The following SLC8A1 variants were observed in gnomAD, a reference collection of about 807,000 sequenced individuals.
SLC8A1 encodes the protein solute carrier family 8 member A1.
SLC8A1 carries 18 observed loss-of-function variants against 68.3 expected under a neutral mutation model. That is an observed-to-expected ratio of 0.26 (90% CI 0.18 to 0.39). The LOEUF (loss-of-function observed/expected upper bound fraction) is 0.39, where lower values mean the gene tolerates loss of function less well. SLC8A1 is among the 10% of genes least tolerant of loss of function. SLC8A1 has a pLI of 1.00. For synonymous variants in SLC8A1, 475 were observed against 415.5 expected, an observed-to-expected ratio of 1.14 and a Z score of -1.74; for missense variants, 985 against 1,156.7, an observed-to-expected ratio of 0.85 and a Z score of 2.15.
rs539239468 is a variant in SLC8A1 at position 40,215,177 on chromosome 2, T to C, written c.1809-37322A>G. On this transcript the variant is annotated intron_variant, in intron 2 of 7. Transcript: ENST00000406785. ...ATGCTAATTATTATTATTAATATTA[T>C]TATCTTTAGAGATAGGATCTTACTC... 3.9e-5 allele frequency among the ~76,000 whole-genome samples: 6 copies of C among 152,192 alleles called. No individual in the cohort carries two copies. In the South Asian group the frequency reaches 1.0e-3, roughly 26 times the overall value.
At chr2:40,228,775 C>G (rs1009317205) in intron 2 of SLC8A1, among the ~76,000 whole-genome samples, 11 of 152,100 alleles carry the variant, frequency 7.2e-5, no homozygotes, top group African/African-American at 2.4e-4. Context: ...CATAAATAGT[C>G]AAGTAACTAG....
chr2:40,376,001 AAAAT>A (rs536218626), intron 2 of SLC8A1, among the ~76,000 whole-genome samples: 1 of 152,142 alleles, frequency 6.6e-6, no homozygotes, highest in Non-Finnish European at 1.5e-5. Flanking sequence ...ACCCTGTCTC[AAAAT>A]AAATAAATAA....
At chr2:40,227,657 C>G (rs1473126932) in intron 2 of SLC8A1, among the ~76,000 whole-genome samples, 2 of 151,972 alleles carry the variant, frequency 1.3e-5, no homozygotes, top group Non-Finnish European at 2.9e-5. Context: ...CCCCATGACA[C>G]AAGTTTATCT....
intron 2 of SLC8A1, chr2:40,195,753 A>C (rs2052851613): frequency 6.6e-6 from 1 of 152,220 alleles, no homozygotes; most frequent in East Asian, 1.9e-4. Flanking sequence ...GTATTTGTAC[A>C]TAACAGATCT....
chr2:40,222,158 G>A (rs1035398567), intron 2 of SLC8A1, among the ~76,000 whole-genome samples: 16 of 151,886 alleles, frequency 1.1e-4, no homozygotes, highest in Admixed American at 6.6e-5. Flanking sequence ...CATGGTACTG[G>A]TACCAAATTA....
intron 1 of SLC8A1, among the ~76,000 whole-genome samples, chr2:40,484,401 T>C (rs1223414009): frequency 6.6e-6 from 1 of 152,218 alleles, no homozygotes; most frequent in Non-Finnish European, 1.5e-5. Flanking sequence ...TCCTTGTTTC[T>C]ACCCATGCTC....
chr2:40,386,918 T>G (rs1683746645), intron 2 of SLC8A1, among the ~76,000 whole-genome samples: 1 of 151,388 alleles, frequency 6.6e-6, no homozygotes, highest in Admixed American at 6.6e-5. Flanking sequence ...GTGGTTCTAC[T>G]ATAGCAGATC....
At chr2:40,455,436 G>A (rs1255587858), upstream of SLC8A1, among the ~76,000 whole-genome samples, 1 of 152,152 alleles carries the variant, frequency 6.6e-6, no homozygotes, top group Non-Finnish European at 1.5e-5. Context: ...TCTGAAATAT[G>A]TTAATACAGT....
chr2:40,187,530 T>C (rs1009557386), intron 2 of SLC8A1, among the ~76,000 whole-genome samples: 1 of 152,228 alleles, frequency 6.6e-6, no homozygotes, highest in African/African-American at 2.4e-5. Flanking sequence ...GTTGGGGTTT[T>C]CTAACATAAC....
intron 2 of SLC8A1, among the ~76,000 whole-genome samples, chr2:40,288,751 G>T (rs2068745607): frequency 6.6e-6 from 1 of 151,614 alleles, no homozygotes; most frequent in Non-Finnish European, 1.5e-5. Flanking sequence ...CAGCACACCA[G>T]TGGGTAAAAG....
At chr2:40,221,604 A>G (rs534959104) in intron 2 of SLC8A1, among the ~76,000 whole-genome samples, 1 of 152,344 alleles carries the variant, frequency 6.6e-6, no homozygotes, top group East Asian at 1.9e-4. Context: ...CTCTGTTTGC[A>G]GATGACATGA....
At chr2:40,121,226 C>T (rs543757608) in intron 7 of SLC8A1, among the ~76,000 whole-genome samples, 61 of 152,232 alleles carry the variant, frequency 4.0e-4, no homozygotes, top group Non-Finnish European at 7.9e-4. Context: ...AGAAATACAC[C>T]TTTTAACAAG....
rs71404277 is a variant in SLC8A1, at chr2:40,131,858, A to ATTTT, written c.2437+7539_2437+7542dup. Among the ~76,000 whole-genome samples the ATTTT allele has an allele frequency of 6.2e-4, 59 of 95,550 alleles. 5 individuals carry two copies. The highest frequency in any genetic ancestry group is 1.0e-3 in the South Asian group (3 of 2,906). The allele number at this position is 95,550 out of a possible 152,430, so 62.7% of individuals were successfully genotyped here. On this transcript the variant is annotated intron_variant, in intron 7 of 7. Transcript: ENST00000406785. ...CTGATGAGGATTATCTTGGTATTCT[A>ATTTT]TTTTTTTTTTTTTTTTTTTTTTTTT...
rs190415631 is a variant in SLC8A1 at position 40,309,443 on chromosome 2, T to C, written c.1808+119030A>G. Reference sequence around the variant, plus strand: ...ATCTCCCTAAAATTGGTTACTGAAATATTCTCAAATGTCTAAGCAGGTCAT... The same window carrying C: ...ATCTCCCTAAAATTGGTTACTGAAACATTCTCAAATGTCTAAGCAGGTCAT... On this transcript the variant is annotated intron_variant, in intron 2 of 7. Transcript: ENST00000406785. 1.1e-4 allele frequency among the ~76,000 whole-genome samples: 16 copies of C among 152,158 alleles called. No individual in the cohort carries two copies. In the East Asian group the frequency reaches 3.1e-3, roughly 29 times the overall value.
chr2:40,215,741 C>T (rs994457606), intron 2 of SLC8A1, among the ~76,000 whole-genome samples: 1 of 151,684 alleles, frequency 6.6e-6, no homozygotes, highest in Non-Finnish European at 1.5e-5. Context: ...AGCAATCCTC[C>T]TGTATCAATG....
chr2:40,504,464 A>G (rs1293931110), intron 1 of SLC8A1, among the ~76,000 whole-genome samples: 2 of 152,014 alleles, frequency 1.3e-5, no homozygotes, highest in Non-Finnish European at 1.5e-5. Context: ...AAATGGGATC[A>G]CATCAATTTA....
intron 4 of SLC8A1, among the ~76,000 whole-genome samples, chr2:40,168,122 C>T (rs2046858504): frequency 6.6e-6 from 1 of 152,104 alleles, no homozygotes; most frequent in African/African-American, 2.4e-5. Flanking sequence ...CCTCTACTTT[C>T]CAGGAACTTA....
rs566190590 is a variant in SLC8A1 at position 40,297,123 on chromosome 2, A to C, written c.1809-119268T>G. ...TTACCACTAGGCACTGTGTCAAAAG[A>C]CATAGAAATTGAAACTGGGTTCCTT... On this transcript the variant is annotated intron_variant, in intron 2 of 7. Transcript: ENST00000406785. 2.0e-4 allele frequency among the ~76,000 whole-genome samples: 30 copies of C among 152,298 alleles called. 1 individual carries two copies. In the South Asian group the frequency reaches 6.2e-3, roughly 32 times the overall value.
intron 2 of SLC8A1, among the ~76,000 whole-genome samples, chr2:40,405,046 C>G (rs1456880776): frequency 6.6e-6 from 1 of 152,158 alleles, no homozygotes; most frequent in Admixed American, 6.6e-5. Flanking sequence ...TGCTACTCCC[C>G]CTCCCCAGCC....
Sources: gnomAD v4.1 joint callset for allele counts (sites outside exome capture counted in the v4.1 genomes callset) on GRCh38, gnomAD v4.1.1 for gene constraint, MANE v1.5 for transcripts, NCBI Gene and HGNC (gene_info 2026-07-23, HGNC 2026-07-21) for gene names.